The following CHD7 variants were observed in gnomAD, a reference collection of about 807,000 sequenced individuals.
The protein encoded by CHD7 is ATP-dependent chromatin remodeler CHD7.
CHD7 carries 24 observed loss-of-function variants against 307.3 expected under a neutral mutation model. The ratio of observed to expected loss-of-function variants is 0.08; its 90% CI spans 0.06 to 0.11. The LOEUF is 0.11. CHD7 is among the 10% of genes least tolerant of loss of function. CHD7 has a pLI of 1.00. For synonymous variants in CHD7, 1,363 were observed against 1,349.9 expected, an observed-to-expected ratio of 1.01 and a Z score of -0.21; for missense variants, 3,106 against 3,727.1, an observed-to-expected ratio of 0.83 and a Z score of 4.34.
intron 3 of CHD7, among the ~76,000 whole-genome samples, chr8:60,789,036 C>A (rs1811642054): frequency 6.6e-6 from 1 of 151,962 alleles, no homozygotes; most frequent in Non-Finnish European, 1.5e-5. Context: ...TTTTAATTTT[C>A]TTTTTCATTG....
chr8:60,862,799 C>CGTACATCATTA (rs1806063341), intron 37 of CHD7, 147 bp downstream of exon 37: 1 of 590,110 alleles, frequency 1.7e-6, no homozygotes, highest in African/African-American at 1.9e-5. Context: ...TACATCATTT[C>CGTACATCATTA]ATACATCATT....
At chr8:60,845,089 C>G (rs1285978262) in intron 22 of CHD7, 26 bp downstream of exon 22, 1 of 1,609,878 alleles carries the variant, frequency 6.2e-7, no homozygotes, top group Non-Finnish European at 8.5e-7. Context: ...GCTGTTTGTG[C>G]TACAGGGTCA....
At chr8:60,729,812 T>C (rs1808350791) in intron 1 of CHD7, among the ~76,000 whole-genome samples, 1 of 152,256 alleles carries the variant, frequency 6.6e-6, no homozygotes, top group African/African-American at 2.4e-5. Flanking sequence ...CTTTGCTAAC[T>C]TGACATGTAC....
intron 3 of CHD7, among the ~76,000 whole-genome samples, chr8:60,786,157 C>T (rs1402484538): frequency 6.6e-6 from 1 of 152,212 alleles, no homozygotes; most frequent in African/African-American, 2.4e-5. Context: ...TCTTTTAAAT[C>T]CCGAATCCTT....
chr8:60,836,099 T>C lies in CHD7; in HGVS notation c.3805T>C (p.Phe1269Leu), dbSNP rs764375888. 1 of 1,612,182 alleles carries C rather than the reference T, an allele frequency of 6.2e-7. No individual in the cohort carries two copies. Among genetic ancestry groups the C allele is most frequent in the Admixed American group, 1.7e-5 (1 of 59,748 alleles). The change falls in exon 16 of 38, where the codon TTT becomes CTT. Residue 1269 changes from phenylalanine (F) to leucine (L), a missense_variant. Phe to Leu is a conservative substitution (Grantham distance 22, BLOSUM62 0). This residue lies in a region of CHD7 where 232 missense variants were observed against 422.5 expected (regional missense o/e 0.55). Transcript: ENST00000423902. ...NGAEEKILEE[F>L]KETHNAESPD... ...TGCTGAAGAGAAAATTTTGGAAGAG[T>C]TTAAAGAAACACACAATGCAGAGTC...
intron 1 of CHD7, among the ~76,000 whole-genome samples, chr8:60,715,160 C>T (rs1487598537): frequency 1.3e-5 from 2 of 152,116 alleles, no homozygotes; most frequent in Admixed American, 6.5e-5. Flanking sequence ...TATTTGCTTC[C>T]GGAGACCGAT....
chr8:60,728,196 G>A (rs1374125430), intron 1 of CHD7, among the ~76,000 whole-genome samples: 1 of 152,262 alleles, frequency 6.6e-6, no homozygotes, highest in African/African-American at 2.4e-5. Flanking sequence ...TTACCTTGGA[G>A]GGTCTACTCT....
chr8:60,766,591 C>T (rs1403691628), intron 2 of CHD7, among the ~76,000 whole-genome samples: 1 of 152,112 alleles, frequency 6.6e-6, no homozygotes, highest in African/African-American at 2.4e-5. Context: ...GGGGACAGGC[C>T]ACTAGGAGTG....
intron 1 of CHD7, among the ~76,000 whole-genome samples, chr8:60,702,947 CATG>C (rs1026145060): frequency 1.5e-4 from 23 of 152,210 alleles, no homozygotes; most frequent in African/African-American, 4.1e-4. Flanking sequence ...GGCTTGTTGA[CATG>C]GTGGCAGAAA....
intron 1 of CHD7, among the ~76,000 whole-genome samples, chr8:60,734,946 G>A (rs1256006428): frequency 1.3e-5 from 2 of 152,314 alleles, no homozygotes; most frequent in African/African-American, 2.4e-5. Flanking sequence ...GAACTGATTA[G>A]ATTTCTAATT....
intron 3 of CHD7, among the ~76,000 whole-genome samples, chr8:60,788,809 G>A (rs2150685356): frequency 6.6e-6 from 1 of 152,316 alleles, no homozygotes; most frequent in South Asian, 2.1e-4. Context: ...TTTATTATCT[G>A]CCATTCAGAG....
intron 2 of CHD7, among the ~76,000 whole-genome samples, chr8:60,764,279 G>A (rs1286363286): frequency 1.3e-5 from 2 of 152,130 alleles, no homozygotes; most frequent in Admixed American, 6.5e-5. Flanking sequence ...GTGAGCCACC[G>A]TGCCTGGCCT....
At chr8:60,720,452 C>A (rs1272893125) in intron 1 of CHD7, among the ~76,000 whole-genome samples, 1 of 152,208 alleles carries the variant, frequency 6.6e-6, no homozygotes. Context: ...GTGGACCTTA[C>A]TGTCTTTTGC....
At chr8:60,836,712 T>G in intron 16 of CHD7, 105 bp from the exon 17 acceptor site, 1 of 785,782 alleles carries the variant, frequency 1.3e-6, no homozygotes, top group Non-Finnish European at 2.0e-6. Context: ...GTCATATTAG[T>G]CTTTTTAATA....
chr8:60,795,622 A>G (rs1193289976), intron 4 of CHD7, among the ~76,000 whole-genome samples: 2 of 152,234 alleles, frequency 1.3e-5, no homozygotes, highest in African/African-American at 2.4e-5. Context: ...TAAAGTTTCT[A>G]TGAACAAGCC....
At position 60,852,917 on chromosome 8, in the gene CHD7, C is replaced by G. The variant is rs1349507815; in HGVS notation, c.6192C>G (p.Ile2064Met). The change falls in exon 31 of 38, where the codon ATC (isoleucine) becomes ATG (methionine). Residue 2064 changes from isoleucine to methionine, a missense_variant. Physicochemically the swap from Ile to Met is conservative, Grantham distance 10. Coordinates refer to ENST00000423902, the MANE Select transcript of CHD7 (RefSeq NM_017780.4). Reference sequence around the variant, plus strand: ...ACCGCATTGAGCTGCTACGGAAGATCCGCGAGCAGGTTCTCCATCACCCCC... The same window carrying G: ...ACCGCATTGAGCTGCTACGGAAGATGCGCGAGCAGGTTCTCCATCACCCCC... ...TLYRIELLRKIREQVLHHPQL... is the reference protein window; with the variant it reads ...TLYRIELLRKMREQVLHHPQL... 4.3e-6 allele frequency: 7 copies of G among 1,613,898 alleles called. No individual in the cohort carries two copies. Among genetic ancestry groups the G allele is most frequent in the Non-Finnish European group, 5.9e-6 (7 of 1,179,910 alleles).
intron 1 of CHD7, among the ~76,000 whole-genome samples, chr8:60,693,937 CA>C (rs1806327789): frequency 6.6e-6 from 1 of 152,264 alleles, no homozygotes; most frequent in Non-Finnish European, 1.5e-5. Flanking sequence ...GCACAAGCAT[CA>C]GAGCAGTCAC....
intron 15 of CHD7, among the ~76,000 whole-genome samples, chr8:60,833,351 A>G (rs1185702565): frequency 2.0e-5 from 3 of 152,246 alleles, no homozygotes; most frequent in East Asian, 3.8e-4. Flanking sequence ...AGTTAAGAAT[A>G]ATGTTGAAAA....
chr8:60,802,142 A>T (rs1812341842), intron 6 of CHD7, among the ~76,000 whole-genome samples: 1 of 152,244 alleles, frequency 6.6e-6, no homozygotes, highest in Admixed American at 6.5e-5. Context: ...AGAGTTATTC[A>T]AAGTTTCTGT....
Sources: allele counts gnomAD v4.1 joint callset (sites outside exome capture counted in the v4.1 genomes callset), GRCh38; gene constraint gnomAD v4.1.1; regional missense constraint gnomAD v4.1.1; transcripts MANE v1.5; gene names NCBI Gene and HGNC (gene_info 2026-07-23, HGNC 2026-07-21).